STOX2: variants seen among roughly 807,000 people sequenced by gnomAD.
The protein encoded by STOX2 is storkhead box 2, also known as storkhead-box protein 2.
A neutral mutation model predicts 60.9 loss-of-function variants in STOX2; 28 were observed. That is an observed-to-expected ratio of 0.46 (90% CI 0.34 to 0.63). STOX2 has a LOEUF of 0.63. STOX2 is among the 30% of genes least tolerant of loss of function. The pLI is 0.01. For missense variants in STOX2, 1,024 were observed against 1,187.7 expected (o/e 0.86, Z 2.03); for synonymous variants, 472 against 463.9 (o/e 1.02, Z -0.22).
At chr4:183,912,960 T>C (rs1741823707) in intron 1 of STOX2, among the ~76,000 whole-genome samples, 1 of 152,182 alleles carries the variant, frequency 6.6e-6, no homozygotes. Flanking sequence ...CAACAAGCTA[T>C]GAGTGGATGA....
chr4:183,822,058 C>G (rs577924874), intron 1 of STOX2, among the ~76,000 whole-genome samples: 1 of 152,326 alleles, frequency 6.6e-6, no homozygotes, highest in African/African-American at 2.4e-5. Flanking sequence ...GCTCTGCAAA[C>G]TTCCCGTCCT....
chr4:183,885,106 G>A (rs1022480501), intron 1 of STOX2, among the ~76,000 whole-genome samples: 1 of 152,060 alleles, frequency 6.6e-6, no homozygotes, highest in African/African-American at 2.4e-5. Context: ...TGGTAATTGG[G>A]GCCACAGACG....
chr4:183,814,745 C>T (rs1739111585), intron 1 of STOX2, among the ~76,000 whole-genome samples: 1 of 152,130 alleles, frequency 6.6e-6, no homozygotes, highest in Non-Finnish European at 1.5e-5. Flanking sequence ...CATTTAGGAC[C>T]CTCTGCACAT....
chr4:183,818,454 T>A (rs1167898309), intron 1 of STOX2, among the ~76,000 whole-genome samples: 1 of 152,248 alleles, frequency 6.6e-6, no homozygotes, highest in Non-Finnish European at 1.5e-5. Flanking sequence ...CAGAAGAATT[T>A]TTCTTAGTAC....
rs188818866 is a variant in STOX2, at chr4:183,882,018, C to T, written c.364+83963C>T. On this transcript the variant is annotated intron_variant, in intron 1 of 2. Transcript: ENST00000513034. ...TGAGGACCCCAGCCAAGGCACCACT[C>T]GGACATATGCGCTGTGGCCAGCAGG... is the stretch of plus-strand genomic sequence containing the variant. Among the ~76,000 whole-genome samples, 32 of 152,336 alleles carry T rather than the reference C, an allele frequency of 2.1e-4. No individual in the cohort carries two copies. The East Asian group carries it at 4.1e-3, about 19-fold the overall frequency.
In STOX2 at chr4:183,948,218, CAAAAA is replaced by C. The variant is rs760286920; in HGVS notation, c.166+41284_166+41288del. On this transcript the variant is annotated intron_variant, in intron 1 of 3. Coordinates refer to ENST00000308497, the MANE Select transcript of STOX2 (RefSeq NM_020225.3). ...GGGCAACAAGAGCAAAACTCCATCTCAAAAAAAAAAAAAAAAAAAAAAAAAACACG... is the reference window on the plus strand; with the variant it reads ...GGGCAACAAGAGCAAAACTCCATCTCAAAAAAAAAAAAAAAAAAAAACACG... 9.7e-4 allele frequency among the ~76,000 whole-genome samples: 29 copies of C among 29,874 alleles called. No individual in the cohort carries two copies. In the South Asian group the frequency reaches 0.021, roughly 22 times the overall value. 19.6% of individuals were successfully genotyped at this position (29,874 alleles called of 152,430 possible).
At chr4:183,910,435 C>G (rs186031664) in intron 1 of STOX2, among the ~76,000 whole-genome samples, 8 of 152,298 alleles carry the variant, frequency 5.3e-5, no homozygotes, top group Admixed American at 5.2e-4. Flanking sequence ...AGAGCTTTCT[C>G]TGTTAGAATT....
intron 1 of STOX2, among the ~76,000 whole-genome samples, chr4:183,953,577 T>G (rs1222835206): frequency 6.6e-6 from 1 of 151,504 alleles, no homozygotes; most frequent in Admixed American, 6.6e-5. Context: ...TATCCCTGAT[T>G]TTTTTTGAGA....
At chr4:183,989,294 C>G (rs1240933847) in intron 1 of STOX2, among the ~76,000 whole-genome samples, 3 of 150,856 alleles carry the variant, frequency 2.0e-5, no homozygotes, top group Non-Finnish European at 4.4e-5. Context: ...CCTCCGCTTC[C>G]CGGGTTCAAG....
chr4:183,953,527 T>C lies in STOX2; in HGVS notation c.166+46571T>C, dbSNP rs527684112. 2.0e-3 allele frequency among the ~76,000 whole-genome samples: 311 copies of C among 152,024 alleles called. 3 individuals carry two copies. The highest frequency in any genetic ancestry group is 7.1e-3 in the African/African-American group (293 of 41,432). On this transcript the variant is annotated intron_variant, in intron 1 of 3. Transcript: ENST00000308497. ...TAGCACTTAACTTGCTTGAGCATTT[T>C]TTCTGTGCCACACACTATTTATGAG...
chr4:183,977,271 A>G (rs548976831), intron 1 of STOX2, among the ~76,000 whole-genome samples: 11 of 152,228 alleles, frequency 7.2e-5, no homozygotes, highest in Middle Eastern at 3.4e-3. Context: ...TCCACCCTGC[A>G]ATAACTTTTT....
At chr4:183,951,224 GAA>G (rs70959161) in intron 1 of STOX2, among the ~76,000 whole-genome samples, 3 of 125,186 alleles carry the variant, frequency 2.4e-5, no homozygotes, top group Admixed American at 1.6e-4. Flanking sequence ...CAAAAAAAAA[GAA>G]AAAAAAAAAA....
At chr4:183,904,280 T>C (rs1224902916), upstream of STOX2, among the ~76,000 whole-genome samples, 1 of 152,244 alleles carries the variant, frequency 6.6e-6, no homozygotes, top group Non-Finnish European at 1.5e-5. Context: ...GACTAGAAGC[T>C]GCACGGGGTC....
intron 1 of STOX2, among the ~76,000 whole-genome samples, chr4:183,989,054 C>A (rs1732974089): frequency 6.6e-6 from 1 of 152,138 alleles, no homozygotes; most frequent in Admixed American, 6.5e-5. Flanking sequence ...TCCACAGCAG[C>A]AGGATTTGCC....
In STOX2 at chr4:183,864,276, A is replaced by G. The variant is rs535448079; in HGVS notation, c.364+66221A>G. ...AGACTTATTTAACTCCTGAATGCCT[A>G]CCTCAGCCCCTTTCAGGAATGTTAT... On this transcript the variant is annotated intron_variant, in intron 1 of 2. Coordinates refer to the STOX2 transcript ENST00000513034. Among the ~76,000 whole-genome samples, 8 of 152,288 alleles carry G rather than the reference A, an allele frequency of 5.3e-5. No homozygotes were observed. The South Asian group carries it at 1.0e-3, about 20-fold the overall frequency.
intron 1 of STOX2, among the ~76,000 whole-genome samples, chr4:183,990,560 GGCAGTTTAAAAA>G (rs926476409): frequency 4.2e-5 from 6 of 143,766 alleles, no homozygotes; most frequent in Non-Finnish European, 7.6e-5. Context: ...TAGGAAGAGG[GGCAGTTTAAAAA>G]GCAGGATTTT....
At chr4:183,986,988 G>A (rs1486486861) in intron 1 of STOX2, among the ~76,000 whole-genome samples, 1 of 152,196 alleles carries the variant, frequency 6.6e-6, no homozygotes, top group African/African-American at 2.4e-5. Flanking sequence ...TAGCTGAGCT[G>A]CTGGGTTCAT....
At chr4:183,855,938 A>G (rs575391193) in intron 1 of STOX2, among the ~76,000 whole-genome samples, 1 of 152,296 alleles carries the variant, frequency 6.6e-6, no homozygotes, top group Non-Finnish European at 1.5e-5. Context: ...CCTATGGTGC[A>G]CATTCGGAGA....
intron 1 of STOX2, among the ~76,000 whole-genome samples, chr4:183,966,986 G>A (rs1264239133): frequency 2.0e-5 from 3 of 152,194 alleles, no homozygotes; most frequent in African/African-American, 7.2e-5. Context: ...AGAACAAAGT[G>A]ACGTGACATG....
Sources: gnomAD v4.1 joint callset for allele counts (sites outside exome capture counted in the v4.1 genomes callset) on GRCh38, gnomAD v4.1.1 for gene constraint, MANE v1.5 for transcripts, NCBI Gene and HGNC (gene_info 2026-07-23, HGNC 2026-07-21) for gene names.